PSD3: variants seen among roughly 807,000 people sequenced by gnomAD.
PSD3 encodes the protein pleckstrin and Sec7 domain containing 3.
In PSD3, 49 loss-of-function variants were observed where a neutral mutation model predicts 105.5. The ratio of observed to expected loss-of-function variants is 0.46; its 90% CI spans 0.37 to 0.59. The LOEUF is 0.59. Ranked by LOEUF, PSD3 falls within the 20% of genes least tolerant of loss-of-function variation. The pLI, the probability that PSD3 is intolerant of heterozygous loss-of-function variation, is 0.00. For missense variants in PSD3, 1,561 were observed against 1,263.8 expected, an observed-to-expected ratio of 1.24 and a Z score of -3.57; for synonymous variants, 557 against 457.8, an observed-to-expected ratio of 1.22 and a Z score of -2.77.
At chr8:18,768,116 CAAA>C (rs774203727) in intron 8 of PSD3, among the ~76,000 whole-genome samples, 3 of 97,344 alleles carry the variant, frequency 3.1e-5, no homozygotes, top group Admixed American at 2.5e-4. Flanking sequence ...ACTGAAAATA[CAAA>C]AAAAAAAAAA....
intron 4 of PSD3, among the ~76,000 whole-genome samples, chr8:18,849,021 G>C (rs1815349532): frequency 1.3e-5 from 2 of 152,160 alleles, no homozygotes; most frequent in Non-Finnish European, 2.9e-5. Context: ...GAAAATCCAA[G>C]GCCAAAATCA....
chr8:19,082,820 C>T (rs1164808906), intron 1 of PSD3, among the ~76,000 whole-genome samples: 1 of 152,124 alleles, frequency 6.6e-6, no homozygotes, highest in Admixed American at 6.5e-5. Context: ...CTCCTAAATC[C>T]CGGTAGGAAA....
intron 8 of PSD3, among the ~76,000 whole-genome samples, chr8:18,788,654 A>G (rs928761747): frequency 6.6e-6 from 1 of 152,302 alleles, no homozygotes; most frequent in Non-Finnish European, 1.5e-5. Flanking sequence ...TGGAGAAACT[A>G]AAAGCCCTCA....
intron 10 of PSD3, among the ~76,000 whole-genome samples, chr8:18,642,263 A>C (rs1807704468): frequency 6.6e-6 from 1 of 152,154 alleles, no homozygotes; most frequent in Non-Finnish European, 1.5e-5. Context: ...CTATTGGAAA[A>C]TTTTTAAGGG....
chr8:18,645,335 T>G (rs79845302), intron 10 of PSD3, among the ~76,000 whole-genome samples: 1 of 152,346 alleles, frequency 6.6e-6, no homozygotes, highest in Admixed American at 6.5e-5. Context: ...AATTTTTTAA[T>G]TTAAAAATAC....
intron 8 of PSD3, among the ~76,000 whole-genome samples, chr8:18,782,894 A>C (rs1277980681): frequency 6.6e-6 from 1 of 152,220 alleles, no homozygotes. Flanking sequence ...TCACTTGGTC[A>C]TGCTATATAA....
At chr8:18,577,769 C>A (rs973095750) in intron 12 of PSD3, among the ~76,000 whole-genome samples, 3 of 152,018 alleles carry the variant, frequency 2.0e-5, no homozygotes, top group Non-Finnish European at 4.4e-5. Flanking sequence ...TTGTGTTATG[C>A]ATTTTCTGTT....
At chr8:18,724,214 C>A (rs1266830674) in intron 9 of PSD3, among the ~76,000 whole-genome samples, 1 of 152,006 alleles carries the variant, frequency 6.6e-6, no homozygotes, top group Non-Finnish European at 1.5e-5. Flanking sequence ...ATGCCTGTCA[C>A]CAAGGCTATT....
intron 8 of PSD3, among the ~76,000 whole-genome samples, chr8:18,785,859 C>A (rs1211125811): frequency 2.0e-5 from 3 of 152,152 alleles, no homozygotes; most frequent in African/African-American, 7.2e-5. Flanking sequence ...GGGGAATGGC[C>A]AGCCTTTGGC....
intron 2 of PSD3, among the ~76,000 whole-genome samples, chr8:18,901,219 G>A (rs1819481036): frequency 6.6e-6 from 1 of 151,980 alleles, no homozygotes; most frequent in East Asian, 1.9e-4. Context: ...TTCTCAAATT[G>A]TTGCAAATCT....
chr8:18,895,014 A>G lies in PSD3; in HGVS notation c.131-22281T>C, dbSNP rs138449752. ...TGCCAGTGACAGGCCATGCTGTTAC[A>G]TATCTACATTATCTCAGAAGGCCAC... is the stretch of plus-strand genomic sequence containing the variant. On this transcript the variant is annotated intron_variant, in intron 2 of 15. Transcript: ENST00000327040. 3.9e-5 allele frequency among the ~76,000 whole-genome samples: 6 copies of G among 152,348 alleles called. No individual in the cohort carries two copies. In the East Asian group the frequency reaches 7.7e-4, roughly 20 times the overall value.
chr8:18,655,194 T>TG (rs1808799398), intron 10 of PSD3, among the ~76,000 whole-genome samples: 1 of 149,698 alleles, frequency 6.7e-6, no homozygotes, highest in Non-Finnish European at 1.5e-5. Flanking sequence ...CTGGGAGTGG[T>TG]GGTGGGCGCC....
intron 12 of PSD3, among the ~76,000 whole-genome samples, chr8:18,588,078 G>A (rs1237291992): frequency 3.9e-5 from 6 of 152,076 alleles, no homozygotes; most frequent in African/African-American, 1.4e-4. Flanking sequence ...TACTACTCCT[G>A]TTTCTGCTGG....
At chr8:18,571,400 C>T (rs1195227300) in intron 14 of PSD3, among the ~76,000 whole-genome samples, 2 of 152,148 alleles carry the variant, frequency 1.3e-5, no homozygotes, top group African/African-American at 4.8e-5. Context: ...TCCCACACCT[C>T]ACCTAACTGC....
intron 9 of PSD3, among the ~76,000 whole-genome samples, chr8:18,702,652 G>T (rs570407483): frequency 3.3e-5 from 5 of 150,922 alleles, no homozygotes; most frequent in South Asian, 2.1e-4. Flanking sequence ...TCGCTCTGTT[G>T]CCCAGGCTGG....
intron 1 of PSD3, among the ~76,000 whole-genome samples, chr8:19,004,247 A>C (rs558446407): frequency 3.9e-5 from 6 of 152,168 alleles, no homozygotes; most frequent in African/African-American, 1.2e-4. Context: ...TTCAGTATAC[A>C]TAAGAGTCTC....
intron 1 of PSD3, among the ~76,000 whole-genome samples, chr8:19,026,158 C>A (rs1827543509): frequency 6.6e-6 from 1 of 152,144 alleles, no homozygotes; most frequent in South Asian, 2.1e-4. Context: ...CCTACTGGGT[C>A]CCTCCCACAA....
At chr8:18,741,107 T>C (rs1383950809) in intron 9 of PSD3, among the ~76,000 whole-genome samples, 2 of 152,142 alleles carry the variant, frequency 1.3e-5, no homozygotes, top group Non-Finnish European at 2.9e-5. Context: ...TTTTAAATCT[T>C]AGAAAACACA....
At chr8:18,627,055 C>T (rs1256304232) in intron 11 of PSD3, among the ~76,000 whole-genome samples, 3 of 152,072 alleles carry the variant, frequency 2.0e-5, no homozygotes, top group African/African-American at 7.2e-5. Flanking sequence ...ACTATAATAA[C>T]TTAAAAAGTC....
Sources: gnomAD v4.1 joint callset for allele counts (sites outside exome capture counted in the v4.1 genomes callset) on GRCh38, gnomAD v4.1.1 for gene constraint, MANE v1.5 for transcripts, NCBI Gene and HGNC (gene_info 2026-07-23, HGNC 2026-07-21) for gene names.